The following CAMK4 variants were observed in gnomAD, a reference collection of about 807,000 sequenced individuals.
The protein encoded by CAMK4 is calcium/calmodulin dependent protein kinase IV, also known as calcium/calmodulin-dependent protein kinase type IV.
Under a neutral mutation model 44.9 loss-of-function variants are expected in CAMK4, and 22 were observed. The ratio of observed to expected loss-of-function variants is 0.49; its 90% CI spans 0.35 to 0.70. The LOEUF (loss-of-function observed/expected upper bound fraction) is 0.70, where lower values mean the gene tolerates loss of function less well. Ranked by LOEUF, CAMK4 falls within the 30% of genes least tolerant of loss-of-function variation. The probability of loss-of-function intolerance (pLI) is 0.01; values close to 1 mark genes in which losing one functional copy is unlikely to be tolerated. For synonymous variants in CAMK4, 218 were observed against 215.4 expected (o/e 1.01, Z -0.11); for missense variants, 498 against 586.8 (o/e 0.85, Z 1.56).
At chr5:111,433,210 A>G (rs907059617) in intron 5 of CAMK4, among the ~76,000 whole-genome samples, 3 of 152,202 alleles carry the variant, frequency 2.0e-5, no homozygotes, top group African/African-American at 7.2e-5. Flanking sequence ...GCTCCATAAC[A>G]TCTAGAGTCT....
chr5:111,474,500 C>A (rs1755169948), intron 8 of CAMK4, among the ~76,000 whole-genome samples: 1 of 152,148 alleles, frequency 6.6e-6, no homozygotes. Context: ...ACTCTCATGA[C>A]CTCATCTAAA....
rs181906018 is a variant in CAMK4, at chr5:111,406,683, C to T, written c.459+11901C>T. ...TGCACACAACATGAATTCTAGGTCC[C>T]GAGGAGAGCTACTGAAAGTAAACGC... On this transcript the variant is annotated intron_variant, in intron 5 of 10. Coordinates refer to ENST00000282356, the MANE Select transcript of CAMK4 (RefSeq NM_001744.6). Among the ~76,000 whole-genome samples the T allele has an allele frequency of 1.2e-3, 175 of 152,114 alleles. 1 individual carries two copies. The highest frequency in any genetic ancestry group is 4.1e-3 in the African/African-American group (172 of 41,486).
intron 5 of CAMK4, among the ~76,000 whole-genome samples, chr5:111,426,523 G>C (rs1753231499): frequency 6.6e-6 from 1 of 152,142 alleles, no homozygotes; most frequent in Non-Finnish European, 1.5e-5. Context: ...ACAGAAAAAA[G>C]CACCTTCATA....
At chr5:111,296,045 G>A (rs1324153680) in intron 1 of CAMK4, among the ~76,000 whole-genome samples, 1 of 152,160 alleles carries the variant, frequency 6.6e-6, no homozygotes, top group African/African-American at 2.4e-5. Flanking sequence ...AATAACTTAT[G>A]TATTCTTTCA....
chr5:111,456,408 G>T (rs557145278), intron 7 of CAMK4, among the ~76,000 whole-genome samples: 1 of 151,970 alleles, frequency 6.6e-6, no homozygotes, highest in South Asian at 2.1e-4. Flanking sequence ...GGAGAATGGC[G>T]TGAACCCAGG....
At chr5:111,465,187 G>A (rs186168174) in intron 7 of CAMK4, among the ~76,000 whole-genome samples, 10 of 152,014 alleles carry the variant, frequency 6.6e-5, no homozygotes, top group South Asian at 2.1e-4. Context: ...GGATCACTCC[G>A]GGTTGCACTT....
At chr5:111,291,029 A>G (rs982354768) in intron 1 of CAMK4, among the ~76,000 whole-genome samples, 2 of 152,218 alleles carry the variant, frequency 1.3e-5, no homozygotes, top group East Asian at 3.9e-4. Context: ...TATACATAAG[A>G]TTGACAATTA....
At chr5:111,267,703 CAAAAAAA>C (rs59699712) in intron 1 of CAMK4, among the ~76,000 whole-genome samples, 6 of 71,732 alleles carry the variant, frequency 8.4e-5, no homozygotes, top group African/African-American at 1.8e-4. Flanking sequence ...GACTCCGTCT[CAAAAAAA>C]AAAAAAAAAA....
chr5:111,344,009 T>A lies in CAMK4; in HGVS notation c.162-15T>A, dbSNP rs1284143779. ...CAAAGCATAACATTTTCTTTTTGTC[T>A]TTTTCCCCCTCAAGGGGTGCTACAT... On this transcript the variant is annotated splice_polypyrimidine_tract_variant and intron_variant, in intron 1 of 10. Transcript: ENST00000282356. 34 of 1,517,588 alleles carry A rather than the reference T, an allele frequency of 2.2e-5. No individual in the cohort carries two copies. The highest frequency in any genetic ancestry group is 3.1e-5 in the Non-Finnish European group (34 of 1,102,808). 94.0% of individuals were successfully genotyped at this position (1,517,588 alleles called of 1,614,324 possible).
intron 5 of CAMK4, among the ~76,000 whole-genome samples, chr5:111,414,428 A>G (rs1409123268): frequency 7.2e-5 from 11 of 152,146 alleles, no homozygotes; most frequent in Admixed American, 7.2e-4. Flanking sequence ...CACCATCCAC[A>G]ATACATTACC....
intron 5 of CAMK4, among the ~76,000 whole-genome samples, chr5:111,405,796 G>A (rs1196222152): frequency 6.6e-6 from 1 of 152,064 alleles, no homozygotes; most frequent in East Asian, 1.9e-4. Flanking sequence ...GCAGTGGAGA[G>A]GATATTAAAA....
At chr5:111,435,475 T>C (rs1447639769) in intron 5 of CAMK4, among the ~76,000 whole-genome samples, 1 of 152,202 alleles carries the variant, frequency 6.6e-6, no homozygotes, top group Non-Finnish European at 1.5e-5. Flanking sequence ...AGCTCACCTC[T>C]TTGCCTGAGG....
intron 7 of CAMK4, among the ~76,000 whole-genome samples, chr5:111,459,450 T>C (rs1754555774): frequency 6.6e-6 from 1 of 152,230 alleles, no homozygotes; most frequent in Admixed American, 6.5e-5. Context: ...GGAAGACTCC[T>C]GTTAAGTTTT....
chr5:111,338,030 AATG>A (rs1749481344), intron 1 of CAMK4, among the ~76,000 whole-genome samples: 2 of 151,250 alleles, frequency 1.3e-5, no homozygotes, highest in Non-Finnish European at 3.0e-5. Flanking sequence ...CCAAATGACT[AATG>A]ATGCTGTGGA....
At chr5:111,366,963 G>A (rs188911175) in intron 2 of CAMK4, among the ~76,000 whole-genome samples, 2 of 151,728 alleles carry the variant, frequency 1.3e-5, no homozygotes, top group Admixed American at 6.6e-5. Context: ...AAAACCCCAG[G>A]TGCCCAATCC....
In CAMK4 at chr5:111,379,252, G is replaced by A. The variant is rs558939387; in HGVS notation, c.386+2310G>A. 2.0e-4 allele frequency among the ~76,000 whole-genome samples: 31 copies of A among 152,204 alleles called. No individual in the cohort carries two copies. The East Asian group carries it at 5.6e-3, about 27-fold the overall frequency. ...ACCTCTATTGGCTTGAGTTAATTGGGAATCATGGGTTTCTCCTTCTCTTCT... is the reference window on the plus strand; with the variant it reads ...ACCTCTATTGGCTTGAGTTAATTGGAAATCATGGGTTTCTCCTTCTCTTCT... On this transcript the variant is annotated intron_variant, in intron 4 of 10. Transcript: ENST00000282356.
intron 2 of CAMK4, among the ~76,000 whole-genome samples, chr5:111,365,842 C>T (rs143138108): frequency 1.6e-3 from 240 of 152,148 alleles, no homozygotes; most frequent in African/African-American, 5.6e-3. Context: ...ATTGGAGGTA[C>T]CAGCCTCATG....
At chr5:111,337,412 A>G (rs908744568) in intron 1 of CAMK4, among the ~76,000 whole-genome samples, 1 of 151,090 alleles carries the variant, frequency 6.6e-6, no homozygotes, top group Non-Finnish European at 1.5e-5. Context: ...TAACTTTATA[A>G]AACATCGTCA....
chr5:111,458,041 T>G (rs1408191949), intron 7 of CAMK4, among the ~76,000 whole-genome samples: 1 of 152,146 alleles, frequency 6.6e-6, no homozygotes, highest in Non-Finnish European at 1.5e-5. Context: ...AAAACGACCA[T>G]CAGGGAAGGG....
Sources: allele counts gnomAD v4.1 joint callset (sites outside exome capture counted in the v4.1 genomes callset), GRCh38; gene constraint gnomAD v4.1.1; transcripts MANE v1.5; gene names NCBI Gene and HGNC (gene_info 2026-07-23, HGNC 2026-07-21).